The following POT1 variants were observed in gnomAD, a reference collection of about 807,000 sequenced individuals.
POT1 encodes protection of telomeres 1.
Under a neutral mutation model 78.5 loss-of-function variants are expected in POT1, and 47 were observed. The ratio of observed to expected loss-of-function variants is 0.60; its 90% confidence interval spans 0.47 to 0.76. The LOEUF is 0.76. Among genes scored for constraint, POT1 ranks in the 30% least tolerant of loss-of-function variants. The pLI is 0.00. For synonymous variants in POT1, 259 were observed against 260.7 expected (o/e 0.99, Z 0.06); for missense variants, 646 against 749.9 (o/e 0.86, Z 1.62).
intron 3 of POT1, among the ~76,000 whole-genome samples, chr7:124,911,285 T>C (rs963821563): frequency 1.3e-5 from 2 of 152,076 alleles, no homozygotes; most frequent in African/African-American, 2.4e-5. Flanking sequence ...AGGGATTCAT[T>C]TGGAGCAATT....
rs774858551 is a variant in POT1 at position 124,835,303 on chromosome 7, A to T, written c.1481T>A (p.Ile494Lys). 5 of 1,614,096 alleles carry T rather than the reference A, an allele frequency of 3.1e-6. No homozygotes were observed. The highest frequency in any genetic ancestry group is 4.2e-6 in the Non-Finnish European group (5 of 1,179,950). The change falls in exon 15 of 19, where the codon ATA becomes AAA. Residue 494 changes from isoleucine to lysine, a missense_variant. Transcript: ENST00000357628. ...CCCATAGTGATGTATTGTTCCTTGT[A>T]TAAGAAATGGTGCTGAAAGGTCCAA... ...ELLDLSAPFL[I>K]QGTIHHYGCK... is the part of the protein sequence containing the mutation.
At chr7:124,887,490 A>C (rs960175353) in intron 6 of POT1, among the ~76,000 whole-genome samples, 2 of 152,090 alleles carry the variant, frequency 1.3e-5, no homozygotes, top group African/African-American at 2.4e-5. Flanking sequence ...ACCTGACCAA[A>C]GAGTAGATTC....
Position 124,823,443 on chromosome 7 carries a change from A to G in POT1, c.*519T>C, listed in dbSNP as rs1403189954. 1 of 152,044 alleles carries G rather than the reference A, an allele frequency of 6.6e-6. No individual in the cohort carries two copies. The highest frequency in any genetic ancestry group is 2.4e-5 in the African/African-American group (1 of 41,440). The allele number at this position is 152,044 out of a possible 1,614,324, so 9.4% of individuals were successfully genotyped here. ...AACTATTTTACTAAGTTAACATCTC[A>G]TTCAATTAGTTGTAAGTTGTAATAG... is the stretch of plus-strand genomic sequence containing the variant. On this transcript the variant is annotated 3_prime_UTR_variant, in exon 19 of 19. Transcript: ENST00000357628.
intron 6 of POT1, among the ~76,000 whole-genome samples, chr7:124,875,987 A>G (rs1275637472): frequency 5.3e-5 from 8 of 152,230 alleles, no homozygotes; most frequent in African/African-American, 1.9e-4. Flanking sequence ...AGAATAGGTG[A>G]TATCAAAATG....
rs1562980850 is a variant in POT1 at position 124,841,052 on chromosome 7, T to C, written c.1290A>G (p.Lys430=). ...CAAAATGAACTGCTACTTTTCGTCCTTTTTGATTTTTAGTGGTCCAGATTT... is the reference window on the plus strand; with the variant it reads ...CAAAATGAACTGCTACTTTTCGTCCCTTTTGATTTTTAGTGGTCCAGATTT... ...DSKIWTTKNQ[K]GRKVAVHFVK... The change falls in exon 14 of 19, where the codon AAA becomes AAG. Residue 430 remains lysine, a synonymous_variant. Transcript: ENST00000357628. 4.3e-6 allele frequency: 7 copies of C among 1,612,598 alleles called. No individual in the cohort carries two copies. In the South Asian group the frequency reaches 6.6e-5, roughly 15 times the overall value.
chr7:124,926,476 G>A (rs926669256), intron 2 of POT1, among the ~76,000 whole-genome samples: 1 of 152,160 alleles, frequency 6.6e-6, no homozygotes, highest in African/African-American at 2.4e-5. Flanking sequence ...GTTATACACT[G>A]TCGGTGAGAA....
chr7:124,920,061 T>C (rs550661168), intron 2 of POT1, among the ~76,000 whole-genome samples: 13 of 152,278 alleles, frequency 8.5e-5, no homozygotes, highest in African/African-American at 2.9e-4. Context: ...CTATATCACA[T>C]ACTGTTGCTT....
At chr7:124,859,145 CT>C in intron 8 of POT1, 33 bp from the exon 9 acceptor site, 1 of 1,428,956 alleles carries the variant, frequency 7.0e-7, no homozygotes, top group Non-Finnish European at 9.2e-7. Context: ...TTTTATGATC[CT>C]TTTGAAAAAA....
At chr7:124,825,393 T>G in intron 17 of POT1, 36 bp from the exon 18 acceptor site, 1 of 1,301,830 alleles carries the variant, frequency 7.7e-7, no homozygotes, top group South Asian at 1.3e-5. Context: ...AAAAAGGAAA[T>G]AATATTAATC....
chr7:124,885,761 G>A (rs958423951), intron 6 of POT1, among the ~76,000 whole-genome samples: 1 of 145,636 alleles, frequency 6.9e-6, no homozygotes, highest in Admixed American at 7.1e-5. Flanking sequence ...GCAAGACTCC[G>A]TCTCAAAAAT....
intron 3 of POT1, among the ~76,000 whole-genome samples, chr7:124,899,489 G>A (rs573146409): frequency 8.6e-5 from 13 of 151,994 alleles, no homozygotes; most frequent in African/African-American, 2.9e-4. Flanking sequence ...ATATTTCTCC[G>A]AAACCTTTTA....
chr7:124,849,381 G>T (rs928492150), intron 11 of POT1, among the ~76,000 whole-genome samples: 1 of 152,118 alleles, frequency 6.6e-6, no homozygotes, highest in African/African-American at 2.4e-5. Flanking sequence ...AAAAACGTTT[G>T]TAAATATATA....
chr7:124,913,531 T>G (rs990694782), intron 3 of POT1, among the ~76,000 whole-genome samples: 1 of 152,192 alleles, frequency 6.6e-6, no homozygotes, highest in Non-Finnish European at 1.5e-5. Context: ...TTTTGTAACA[T>G]ATCTAACAAT....
At chr7:124,866,495 C>T (rs1795728927) in intron 7 of POT1, among the ~76,000 whole-genome samples, 1 of 152,220 alleles carries the variant, frequency 6.6e-6, no homozygotes, top group Non-Finnish European at 1.5e-5. Flanking sequence ...CTACCCTGCT[C>T]TGTGCAGCCT....
chr7:124,868,476 T>G (rs1457499941), intron 7 of POT1, among the ~76,000 whole-genome samples: 1 of 152,044 alleles, frequency 6.6e-6, no homozygotes, highest in Non-Finnish European at 1.5e-5. Context: ...CATAGTAGCC[T>G]TTAAAACAGT....
At chr7:124,838,401 T>C (rs2116453273) in intron 14 of POT1, among the ~76,000 whole-genome samples, 1 of 152,206 alleles carries the variant, frequency 6.6e-6, no homozygotes, top group Non-Finnish European at 1.5e-5. Context: ...CATTAAATAA[T>C]TAGCACCAAA....
At chr7:124,902,758 A>G (rs1425331146) in intron 3 of POT1, among the ~76,000 whole-genome samples, 1 of 152,184 alleles carries the variant, frequency 6.6e-6, no homozygotes, top group Non-Finnish European at 1.5e-5. Context: ...AAGACCCCTC[A>G]GTGTGTTGTG....
At chr7:124,888,117 A>G (rs1796288500) in intron 6 of POT1, among the ~76,000 whole-genome samples, 1 of 152,056 alleles carries the variant, frequency 6.6e-6, no homozygotes, top group African/African-American at 2.4e-5. Context: ...CATACTCTTA[A>G]GTCTTTAATC....
At chr7:124,900,765 G>A (rs530277922) in intron 3 of POT1, 21 of 298,450 alleles carry the variant, frequency 7.0e-5, no homozygotes, top group East Asian at 1.9e-4. Context: ...AAGCCATGAC[G>A]GTCAGTACCT....
Sources: gnomAD v4.1 joint callset for allele counts (sites outside exome capture counted in the v4.1 genomes callset) on GRCh38, gnomAD v4.1.1 for gene constraint, MANE v1.5 for transcripts, NCBI Gene and HGNC (gene_info 2026-07-23, HGNC 2026-07-21) for gene names.